The following TRHDE variants were observed in gnomAD, a reference collection of about 807,000 sequenced individuals.
TRHDE encodes the protein thyrotropin-releasing hormone-degrading ectoenzyme.
In TRHDE, 72 loss-of-function variants were observed where a neutral mutation model predicts 125.7. The ratio of observed to expected loss-of-function variants is 0.57; its 90% CI spans 0.47 to 0.70. The LOEUF is 0.70. Among genes scored for constraint, TRHDE ranks in the 30% least tolerant of loss-of-function variants. TRHDE has a pLI of 0.00. For missense variants in TRHDE, 1,110 were observed against 1,327.1 expected, an observed-to-expected ratio of 0.84 and a Z score of 2.54; for synonymous variants, 509 against 509.1, an observed-to-expected ratio of 1.00 and a Z score of 0.00.
chr12:72,525,634 TGA>T (rs1204575457), intron 6 of TRHDE, among the ~76,000 whole-genome samples: 4,131 of 98,638 alleles, frequency 0.042, 168 homozygotes, highest in African/African-American at 0.098. Context: ...TGTGTGTGTG[TGA>T]GAGAGAGAGA....
At chr12:72,373,055 T>C (rs1871687689) in intron 2 of TRHDE, among the ~76,000 whole-genome samples, 1 of 152,236 alleles carries the variant, frequency 6.6e-6, no homozygotes, top group Non-Finnish European at 1.5e-5. Context: ...TTGTATCCTC[T>C]TTTATTTCAT....
chr12:72,265,870 C>T (rs1321805781), intron 2 of TRHDE, among the ~76,000 whole-genome samples: 2 of 151,620 alleles, frequency 1.3e-5, no homozygotes, highest in Non-Finnish European at 2.9e-5. Context: ...CACTGTAGTT[C>T]AAAATTAGCT....
chr12:72,367,069 C>T (rs927069443), intron 2 of TRHDE, among the ~76,000 whole-genome samples: 1 of 152,026 alleles, frequency 6.6e-6, no homozygotes, highest in African/African-American at 2.4e-5. Context: ...TCATGTGCCT[C>T]CTTCTTAGCA....
At chr12:72,471,480 C>T (rs1467616251) in intron 4 of TRHDE, among the ~76,000 whole-genome samples, 1 of 152,182 alleles carries the variant, frequency 6.6e-6, no homozygotes, top group East Asian at 1.9e-4. Flanking sequence ...TCATTTGTTT[C>T]ATATTCTAAG....
chr12:72,290,893 A>G (rs1176230205), intron 2 of TRHDE, among the ~76,000 whole-genome samples: 1 of 152,224 alleles, frequency 6.6e-6, no homozygotes, highest in African/African-American at 2.4e-5. Flanking sequence ...CACTTTTAAG[A>G]CATTCTATTG....
intron 2 of TRHDE, among the ~76,000 whole-genome samples, chr12:72,327,305 TA>T (rs1486505610): frequency 2.0e-5 from 3 of 152,138 alleles, no homozygotes; most frequent in African/African-American, 7.2e-5. Context: ...AAATGAGGCA[TA>T]GGGGTGAGAC....
intron 5 of TRHDE, among the ~76,000 whole-genome samples, chr12:72,487,468 A>C (rs1170263499): frequency 2.6e-5 from 4 of 152,146 alleles, no homozygotes; most frequent in African/African-American, 4.8e-5. Flanking sequence ...ACAGGCCAGG[A>C]AAGAACGGGA....
intron 2 of TRHDE, among the ~76,000 whole-genome samples, chr12:72,307,698 A>G (rs1177110113): frequency 6.6e-6 from 1 of 152,200 alleles, no homozygotes; most frequent in Non-Finnish European, 1.5e-5. Flanking sequence ...ACTCTGTTTT[A>G]TGTTAATATG....
At chr12:72,150,464 T>C (rs1215008503) in intron 2 of TRHDE, among the ~76,000 whole-genome samples, 1 of 151,612 alleles carries the variant, frequency 6.6e-6, no homozygotes, top group Admixed American at 6.6e-5. Flanking sequence ...TAGTTATATA[T>C]GTATACATGT....
intron 2 of TRHDE, among the ~76,000 whole-genome samples, chr12:72,185,123 C>T (rs931983678): frequency 1.2e-4 from 18 of 152,196 alleles, no homozygotes; most frequent in Middle Eastern, 3.4e-3. Flanking sequence ...TTGGCGGGCC[C>T]GCACTCGCAC....
At chr12:72,331,247 G>A (rs1182296575) in intron 2 of TRHDE, among the ~76,000 whole-genome samples, 6 of 152,320 alleles carry the variant, frequency 3.9e-5, no homozygotes, top group African/African-American at 1.2e-4. Flanking sequence ...TTGAATGTAA[G>A]TGTTGATTTC....
intron 1 of TRHDE, among the ~76,000 whole-genome samples, chr12:72,101,429 A>G (rs1478705214): frequency 6.6e-6 from 1 of 152,198 alleles, no homozygotes; most frequent in Non-Finnish European, 1.5e-5. Flanking sequence ...CAATCCTTTC[A>G]AAGTTTTCTG....
At chr12:72,235,911 G>C (rs1878330471) in intron 2 of TRHDE, among the ~76,000 whole-genome samples, 1 of 152,194 alleles carries the variant, frequency 6.6e-6, no homozygotes, top group South Asian at 2.1e-4. Context: ...GAGTGAGGGA[G>C]TACAAATGGG....
At chr12:72,155,616 G>C (rs373261388) in intron 2 of TRHDE, among the ~76,000 whole-genome samples, 2 of 152,178 alleles carry the variant, frequency 1.3e-5, no homozygotes, top group Admixed American at 6.5e-5. Context: ...TAACAGTCAG[G>C]ACCCTCAGCT....
intron 2 of TRHDE, among the ~76,000 whole-genome samples, chr12:72,252,597 T>C (rs1411791972): frequency 6.6e-6 from 1 of 152,146 alleles, no homozygotes; most frequent in East Asian, 1.9e-4. Context: ...TTTATTCTTC[T>C]TTTCAGATTA....
chr12:72,512,709 A>G (rs1878661729), intron 6 of TRHDE, among the ~76,000 whole-genome samples: 1 of 147,940 alleles, frequency 6.8e-6, no homozygotes, highest in Non-Finnish European at 1.5e-5. Flanking sequence ...GATTGACAGA[A>G]TTCTATAGTA....
chr12:72,413,358 T>G (rs1164580045), intron 3 of TRHDE, among the ~76,000 whole-genome samples: 1 of 151,954 alleles, frequency 6.6e-6, no homozygotes, highest in Non-Finnish European at 1.5e-5. Flanking sequence ...CATGTGACTA[T>G]TGAGCACTTG....
chr12:72,495,373 A>T (rs147133604), intron 5 of TRHDE, among the ~76,000 whole-genome samples: 2 of 152,026 alleles, frequency 1.3e-5, no homozygotes, highest in Non-Finnish European at 2.9e-5. Flanking sequence ...CTATTTATTA[A>T]GACCAAGCTT....
At chr12:72,560,414 T>A (rs1870122050) in intron 7 of TRHDE, 1 of 152,208 alleles carries the variant, frequency 6.6e-6, no homozygotes, top group South Asian at 2.1e-4. Context: ...GTATATTGGA[T>A]TTTATAGTAT....
Sources: allele counts gnomAD v4.1 joint callset (sites outside exome capture counted in the v4.1 genomes callset), GRCh38; gene constraint gnomAD v4.1.1; transcripts MANE v1.5; gene names NCBI Gene and HGNC (gene_info 2026-07-23, HGNC 2026-07-21).